Variants in TUBGCP6 observed in about 807,000 individuals in gnomAD.
TUBGCP6 encodes gamma-tubulin complex component 6.
Under a neutral mutation model 175.8 loss-of-function variants are expected in TUBGCP6, and 161 were observed. The ratio of observed to expected loss-of-function variants is 0.92; its 90% CI spans 0.81 to 1.04. The LOEUF (loss-of-function observed/expected upper bound fraction) is 1.04, where lower values mean the gene tolerates loss of function less well. Ranked by LOEUF, TUBGCP6 falls within the 50% of genes least tolerant of loss-of-function variation. The pLI is 0.00. For synonymous variants in TUBGCP6, 1,173 were observed against 1,030.5 expected (o/e 1.14, Z -2.65); for missense variants, 2,572 against 2,433.0 (o/e 1.06, Z -1.20).
In TUBGCP6 at chr22:50,244,392, A is replaced by T. The variant is rs746705594; in HGVS notation, c.68T>A (p.Leu23Gln). ...CTTCCGGTTCACACTGCGCTGGCCC[A>T]GGTGAGTCTTGGCAGCCGGCAGGAG... The part of the protein sequence containing the change: ...EALLPAAKTH[L>Q]GQRSVNRKRA... Residue 23 changes from leucine (L) to glutamine (Q), a missense_variant, in exon 1 of 25, where the codon CTG (leucine) becomes CAG (glutamine). Transcript: ENST00000248846. The T allele has an allele frequency of 1.2e-6, 2 of 1,613,296 alleles. No individual in the cohort carries two copies. Among genetic ancestry groups the T allele is most frequent in the Admixed American group, 1.7e-5 (1 of 60,026 alleles).
At position 50,220,355 on chromosome 22, in the gene TUBGCP6, C is replaced by T; in HGVS notation, c.4004G>A (p.Gly1335Asp). 6.5e-7 allele frequency: 1 copy of T among 1,532,868 alleles called. No homozygotes were observed. Among genetic ancestry groups the T allele is most frequent in the African/African-American group, 1.4e-5 (1 of 72,264 alleles). The allele number at this position is 1,532,868 out of a possible 1,614,324, so 95.0% of individuals were successfully genotyped here. A position where few individuals can be genotyped will look rare whatever the true frequency, so the allele number is the denominator to read the frequency against. The change falls in exon 16 of 25, where the codon GGC becomes GAC. Residue 1335 changes from glycine (G) to aspartate (D), a missense_variant. Gly to Asp is a moderately conservative substitution (Grantham distance 94). Coordinates refer to ENST00000248846, the MANE Select transcript of TUBGCP6 (RefSeq NM_020461.4). ...CACGCTGATGCTCCCCTCCCCGCAG[C>T]CCGAGCTGGGGGAGGACAGAGATGG... ...VGPSLSSPSS[G>D]CGEGSISVGE... is the part of the protein sequence containing the mutation.
chr22:50,224,471 C>T (rs776578915), intron 11 of TUBGCP6, 40 bp downstream of exon 11: 3 of 1,613,876 alleles, frequency 1.9e-6, no homozygotes, highest in Non-Finnish European at 1.7e-6. Context: ...CCCAGCAAGG[C>T]CCCCCGGAAC....
In TUBGCP6 at chr22:50,233,357, C is replaced by T. The variant is rs1444741505; in HGVS notation, c.1075G>A (p.Val359Ile). ...ECELVKDVLNVLIGVVSATFS... is the reference protein window; with the variant it reads ...ECELVKDVLNILIGVVSATFS... The stretch of plus-strand genomic sequence containing the variant: ...GTGGCAGACACGACCCCAATCAAGA[C>T]GTTCAGCACGTCTTTCACCAGCTCG... Residue 359 changes from valine (V) to isoleucine (I), a missense_variant, in exon 3 of 25, where the codon GTC becomes ATC. By Grantham distance (29) the Val-to-Ile change is conservative (BLOSUM62 3). Coordinates refer to ENST00000248846, the MANE Select transcript of TUBGCP6 (RefSeq NM_020461.4). The T allele has an allele frequency of 9.9e-6, 16 of 1,613,892 alleles. No individual in the cohort carries two copies. Among genetic ancestry groups the T allele is most frequent in the African/African-American group, 5.3e-5 (4 of 74,936 alleles).
At chr22:50,230,098 A>G (rs556918850) in intron 3 of TUBGCP6, among the ~76,000 whole-genome samples, 1 of 152,250 alleles carries the variant, frequency 6.6e-6, no homozygotes, top group South Asian at 2.1e-4. Context: ...TTAGAAAGGA[A>G]AAAAAATATC....
chr22:50,220,851 T>C lies in TUBGCP6; in HGVS notation c.3508A>G (p.Ser1170Gly). ...ATGTCTGACACAGACTCCCCCAAGC[T>C]GATGCTGGCATCGGACACGTGTCCA... ...THGHVSDASI[S>G]LGESVSDMAP... Residue 1170 changes from serine (S) to glycine (G), a missense_variant, in exon 16 of 25, where the codon AGC becomes GGC. Coordinates refer to ENST00000248846, the MANE Select transcript of TUBGCP6 (RefSeq NM_020461.4). 6 of 1,603,356 alleles carry C rather than the reference T, an allele frequency of 3.7e-6. No individual in the cohort carries two copies. The highest frequency in any genetic ancestry group is 1.1e-5 in the South Asian group (1 of 90,048).
Position 50,220,440 on chromosome 22 carries a change from T to C in TUBGCP6, c.3919A>G (p.Ser1307Gly), listed in dbSNP as rs1401203797. ...PPGHTSQSAL[S>G]LGAQSTVLDC... ...AGCACAGTGCTCTGTGCTCCCAGGC[T>C]GAGCGCTGACTGGGACGTGTGGCCA... The change falls in exon 16 of 25, where the codon AGC becomes GGC. Residue 1307 changes from serine to glycine, a missense_variant. Coordinates refer to ENST00000248846, the MANE Select transcript of TUBGCP6 (RefSeq NM_020461.4). The C allele has an allele frequency of 6.2e-7, 1 of 1,612,126 alleles. No homozygotes were observed. The highest frequency in any genetic ancestry group is 1.1e-5 in the South Asian group (1 of 90,916).
Position 50,221,328 on chromosome 22 carries a change from G to A in TUBGCP6, c.3031C>T (p.Arg1011Cys), listed in dbSNP as rs144536385. 23 of 1,613,012 alleles carry A rather than the reference G, an allele frequency of 1.4e-5. No individual in the cohort carries two copies. The highest frequency in any genetic ancestry group is 1.2e-4 in the African/African-American group (9 of 74,942). Residue 1011 changes from arginine (R) to cysteine (C), a missense_variant, in exon 16 of 25, where the codon CGT (arginine) becomes TGT (cysteine). By Grantham distance (180) the Arg-to-Cys change is radical. Transcript: ENST00000248846. ...CTGCTCCCCTCCTCCAGAGCAGCAC[G>A]CCTGGGTGGGTGTGAGGGGAGCAGA... ...ETLLPSHPPR[R>C]AALEEGSSQP...
chr22:50,240,554 G>A (rs561773566), intron 1 of TUBGCP6, among the ~76,000 whole-genome samples, 187 bp from the exon 2 acceptor site: 6 of 152,274 alleles, frequency 3.9e-5, no homozygotes, highest in African/African-American at 4.8e-5. Flanking sequence ...AAAATAAGTC[G>A]TCAAGGCTGC....
rs760623469 is a variant in TUBGCP6, at chr22:50,224,244, C to A, written c.2167G>T (p.Ala723Ser). ...FVKDQERRQA[A>S]RQEELDDDFS... ...TCATCATCCAGCTCCTCCTGCCTGG[C>A]CGCCTGGCGTCGCTATAAAACACAT... Residue 723 changes from alanine to serine, a missense_variant, in exon 13 of 25, where the codon GCC (alanine) becomes TCC (serine). Physicochemically the swap from Ala to Ser is moderately conservative, Grantham distance 99. Transcript: ENST00000248846. 4 of 1,614,168 alleles carry A rather than the reference C, an allele frequency of 2.5e-6. No homozygotes were observed. Among genetic ancestry groups the A allele is most frequent in the Non-Finnish European group, 3.4e-6 (4 of 1,180,050 alleles).
At chr22:50,235,147 CACACCCCAGTCCATGGCAGCATCT>C (rs1380058856) in intron 2 of TUBGCP6, among the ~76,000 whole-genome samples, 5 of 131,936 alleles carry the variant, frequency 3.8e-5, no homozygotes, top group African/African-American at 1.2e-4. Context: ...TGGCAGCATC[CACACCCCAGTCCATGGCAGCATCT>C]ACACCCCTAT....
rs2064525888 is a variant in TUBGCP6, at chr22:50,221,659, T to C, written c.2700A>G (p.Leu900=). The C allele has an allele frequency of 6.6e-7, 1 of 1,521,620 alleles. No homozygotes were observed. The highest frequency in any genetic ancestry group is 8.8e-7 in the Non-Finnish European group (1 of 1,135,864). 94.3% of individuals were successfully genotyped at this position (1,521,620 alleles called of 1,614,324 possible). The change falls in exon 16 of 25, where the codon CTA becomes CTG. Residue 900 remains leucine (L), a synonymous_variant. Transcript: ENST00000248846. ...FSDSLSIGDF[L]PVGPGAEPSV... is the part of the protein sequence containing the mutation. ...ACGGCTCAGCCCCTGGGCCCACAGGTAGGAAGTCTCCAATGCTGAGGCTGT... is the reference window on the plus strand; with the variant it reads ...ACGGCTCAGCCCCTGGGCCCACAGGCAGGAAGTCTCCAATGCTGAGGCTGT...
Position 50,224,520 on chromosome 22 carries a change from C to T in TUBGCP6, c.2056G>A (p.Ala686Thr), listed in dbSNP as rs1186602882. 1 of 1,614,188 alleles carries T rather than the reference C, an allele frequency of 6.2e-7. No homozygotes were observed. The highest frequency in any genetic ancestry group is 2.2e-5 in the East Asian group (1 of 44,880). Reference protein sequence around the residue: ...AREAASRVLSALSDRQMSERM... With the variant: ...AREAASRVLSTLSDRQMSERM... Reference sequence around the variant, plus strand: ...ACTTGGGGCCACTCACCACTCAGTGCACTCAGGACCCTGGATGCTGCTTCC... The same window carrying T: ...ACTTGGGGCCACTCACCACTCAGTGTACTCAGGACCCTGGATGCTGCTTCC... The change falls in exon 11 of 25, where the codon GCA becomes ACA. Residue 686 changes from alanine (A) to threonine (T), a missense_variant. By Grantham distance (58) the Ala-to-Thr change is moderately conservative. Transcript: ENST00000248846.
chr22:50,227,918 G>A lies in TUBGCP6; in HGVS notation c.1401C>T (p.Gly467=), dbSNP rs748181366. ...ATGCTGAGGCTCACCTGAGCTGCCG[G>A]CCAAGTTTCTTGAAGAGAAAACCAA... ...LTIGFLFKKL[G]RQLRYLAELC... The change falls in exon 5 of 25, where the codon GGC becomes GGT. Residue 467 remains glycine (G), a synonymous_variant. Coordinates refer to ENST00000248846, the MANE Select transcript of TUBGCP6 (RefSeq NM_020461.4). The A allele has an allele frequency of 5.7e-6, 9 of 1,575,244 alleles. No individual in the cohort carries two copies. Among genetic ancestry groups the A allele is most frequent in the Non-Finnish European group, 7.8e-6 (9 of 1,160,240 alleles).
chr22:50,231,804 G>A (rs1418413429), intron 3 of TUBGCP6, among the ~76,000 whole-genome samples: 3 of 148,104 alleles, frequency 2.0e-5, no homozygotes, highest in South Asian at 2.1e-4. Context: ...AGCTTGGAGT[G>A]AGCCGAGATC....
intron 4 of TUBGCP6, among the ~76,000 whole-genome samples, chr22:50,228,234 G>A (rs1273217557): frequency 1.2e-5 from 1 of 82,212 alleles, no homozygotes; most frequent in African/African-American, 4.7e-5. Context: ...AGAAGCTGTG[G>A]CCCACCACCA....
chr22:50,217,894 C>T, intron 24 of TUBGCP6, 24 bp downstream of exon 24: 1 of 1,605,200 alleles, frequency 6.2e-7, no homozygotes, highest in Non-Finnish European at 8.5e-7. Context: ...CCCCCGCAGC[C>T]CTCCCAGCCA....
chr22:50,226,954 TG>T, intron 6 of TUBGCP6, 44 bp downstream of exon 6: 1 of 1,594,772 alleles, frequency 6.3e-7, no homozygotes, highest in Non-Finnish European at 8.5e-7. Context: ...CCCCGTTTCC[TG>T]GAGCCCACCA....
intron 1 of TUBGCP6, among the ~76,000 whole-genome samples, chr22:50,243,167 T>C (rs1025894093): frequency 6.7e-6 from 1 of 148,984 alleles, no homozygotes. Context: ...ATACAAAAAT[T>C]AGTTGGGCAT....
chr22:50,225,073 A>G (rs943737022), intron 10 of TUBGCP6, among the ~76,000 whole-genome samples: 6 of 81,626 alleles, frequency 7.4e-5, no homozygotes, highest in African/African-American at 1.8e-4. Context: ...ACCCTCCCCC[A>G]CCCCCAGGCT....
Sources: allele counts gnomAD v4.1 joint callset (sites outside exome capture counted in the v4.1 genomes callset), GRCh38; gene constraint gnomAD v4.1.1; transcripts MANE v1.5; gene names NCBI Gene and HGNC (gene_info 2026-07-23, HGNC 2026-07-21).